CTNND2: variants seen among roughly 807,000 people sequenced by gnomAD.
The protein encoded by CTNND2 is catenin delta 2, also known as catenin delta-2.
CTNND2 carries 22 observed loss-of-function variants against 144.4 expected under a neutral mutation model. That is an observed-to-expected ratio of 0.15 (90% CI 0.11 to 0.22). CTNND2 has a LOEUF of 0.22. Among genes scored for constraint, CTNND2 ranks in the 10% least tolerant of loss-of-function variants. The probability of loss-of-function intolerance (pLI) is 1.00; values close to 1 mark genes in which losing one functional copy is unlikely to be tolerated. For synonymous variants in CTNND2, 751 were observed against 695.6 expected (o/e 1.08, Z -1.25); for missense variants, 1,353 against 1,618.8 (o/e 0.84, Z 2.82).
chr5:11,113,435 C>A (rs1486796387), intron 13 of CTNND2, among the ~76,000 whole-genome samples: 1 of 152,154 alleles, frequency 6.6e-6, no homozygotes, highest in Non-Finnish European at 1.5e-5. Context: ...TGCAGAATTA[C>A]ATGGCTGTGA....
intron 3 of CTNND2, among the ~76,000 whole-genome samples, chr5:11,497,928 C>A (rs954420435): frequency 3.3e-5 from 5 of 152,184 alleles, no homozygotes; most frequent in African/African-American, 1.2e-4. Flanking sequence ...TGACATGAGG[C>A]ATCAGATTTT....
At chr5:11,500,411 T>A (rs1381578053) in intron 3 of CTNND2, among the ~76,000 whole-genome samples, 1 of 152,158 alleles carries the variant, frequency 6.6e-6, no homozygotes, top group Non-Finnish European at 1.5e-5. Context: ...TTACAACCCA[T>A]CATAATATAA....
At chr5:11,128,730 A>ATGCC (rs1754941576) in intron 12 of CTNND2, among the ~76,000 whole-genome samples, 1 of 51,820 alleles carries the variant, frequency 1.9e-5, no homozygotes, top group African/African-American at 1.1e-4. Flanking sequence ...CCATATATAT[A>ATGCC]ATATATATAT....
At chr5:11,288,150 C>G (rs915233242) in intron 9 of CTNND2, among the ~76,000 whole-genome samples, 1 of 152,058 alleles carries the variant, frequency 6.6e-6, no homozygotes, top group African/African-American at 2.4e-5. Flanking sequence ...ATAAAACATG[C>G]CAATATTTTA....
chr5:11,344,391 CA>C (rs769278963), intron 9 of CTNND2, among the ~76,000 whole-genome samples: 19,242 of 106,658 alleles, frequency 0.18, 1,412 homozygotes, highest in African/African-American at 0.3. Context: ...GACTCCGTCT[CA>C]AAAAAAAAAA....
intron 1 of CTNND2, among the ~76,000 whole-genome samples, chr5:11,767,576 G>A (rs1181891851): frequency 6.6e-6 from 1 of 152,102 alleles, no homozygotes; most frequent in African/African-American, 2.4e-5. Context: ...TTTATCTTAG[G>A]GTCTTTTGGA....
intron 1 of CTNND2, among the ~76,000 whole-genome samples, chr5:11,813,004 A>G (rs1425327620): frequency 1.3e-5 from 2 of 152,100 alleles, no homozygotes; most frequent in African/African-American, 2.4e-5. Context: ...TACTCATATA[A>G]TCGGGTGTGT....
chr5:11,471,301 T>G (rs1335322676), intron 3 of CTNND2, among the ~76,000 whole-genome samples: 2 of 152,036 alleles, frequency 1.3e-5, no homozygotes, highest in African/African-American at 4.8e-5. Flanking sequence ...TTAATGCATT[T>G]TCTATCTTTT....
intron 9 of CTNND2, among the ~76,000 whole-genome samples, chr5:11,298,401 C>A (rs1378978273): frequency 1.3e-5 from 2 of 152,080 alleles, no homozygotes; most frequent in African/African-American, 2.4e-5. Context: ...GAACTCCTGG[C>A]CTCAAGTGAT....
At chr5:11,026,099 G>A (rs1192893121) in intron 16 of CTNND2, among the ~76,000 whole-genome samples, 3 of 152,142 alleles carry the variant, frequency 2.0e-5, no homozygotes, top group Non-Finnish European at 4.4e-5. Flanking sequence ...GAAAGAGGCT[G>A]GATCACCAGG....
chr5:11,613,155 A>C (rs1345690981), intron 2 of CTNND2, among the ~76,000 whole-genome samples: 1 of 152,188 alleles, frequency 6.6e-6, no homozygotes, highest in Non-Finnish European at 1.5e-5. Context: ...AAGACTTCTT[A>C]ATCAAAATCC....
In CTNND2 at chr5:11,566,860, G is replaced by A. The variant is rs956183978; in HGVS notation, c.175-1804C>T. Among the ~76,000 whole-genome samples the A allele has an allele frequency of 5.3e-5, 8 of 152,122 alleles. No individual in the cohort carries two copies. The East Asian group carries it at 5.8e-4, about 11-fold the overall frequency. ...CGTTTGCAAGCTTCCTTCCCAGCAC[G>A]CAGTCAGATTTTCCAAGACTCTTCA... On this transcript the variant is annotated intron_variant, in intron 2 of 21. Transcript: ENST00000304623.
chr5:11,866,074 G>A (rs536697839), intron 1 of CTNND2, among the ~76,000 whole-genome samples: 2 of 152,182 alleles, frequency 1.3e-5, no homozygotes, highest in African/African-American at 4.8e-5. Context: ...AGGCCAAAGT[G>A]GGAGGATCTC....
Position 10,973,166 on chromosome 5 carries a change from A to G in CTNND2, c.*287T>C. ...GAATGCCTCGTCTCTCCTCCCATCA[A>G]CCACGTTCAGTATAAAGCACTTCTC... On this transcript the variant is annotated 3_prime_UTR_variant, in exon 22 of 22. Coordinates refer to ENST00000304623, the MANE Select transcript of CTNND2 (RefSeq NM_001332.4). The surrounding 1 kb of genome is among the most constrained non-coding windows in gnomAD (Gnocchi z 5.6). The G allele has an allele frequency of 3.4e-6, 1 of 296,556 alleles. No homozygotes were observed. Among genetic ancestry groups the G allele is most frequent in the East Asian group, 6.0e-5 (1 of 16,644 alleles). The allele number at this position is 296,556 out of a possible 1,614,324, so 18.4% of individuals were successfully genotyped here.
chr5:11,063,175 AT>A (rs1747193829), intron 16 of CTNND2, among the ~76,000 whole-genome samples: 1 of 152,216 alleles, frequency 6.6e-6, no homozygotes. Context: ...TACCTTATAT[AT>A]ATGAGTAATG....
intron 3 of CTNND2, among the ~76,000 whole-genome samples, chr5:11,551,257 C>T (rs779897638): frequency 1.3e-5 from 2 of 152,040 alleles, no homozygotes; most frequent in African/African-American, 2.4e-5. Context: ...TGTCTTTTGA[C>T]TGTTCTTTCC....
intron 16 of CTNND2, among the ~76,000 whole-genome samples, chr5:11,071,465 C>T (rs891567853): frequency 3.9e-5 from 6 of 152,106 alleles, no homozygotes; most frequent in East Asian, 3.9e-4. Flanking sequence ...GTTTGAACCT[C>T]GGAGGCTGAG....
At chr5:10,994,726 G>A (rs2149504274) in intron 18 of CTNND2, among the ~76,000 whole-genome samples, 1 of 152,208 alleles carries the variant, frequency 6.6e-6, no homozygotes, top group African/African-American at 2.4e-5. Flanking sequence ...ATAGGCGTGA[G>A]CAGGGGGCCA....
chr5:11,883,105 G>A (rs1179063593), intron 1 of CTNND2, among the ~76,000 whole-genome samples: 3 of 151,998 alleles, frequency 2.0e-5, no homozygotes, highest in Non-Finnish European at 4.4e-5. Flanking sequence ...TTCTTTTTCT[G>A]ACTGCTCACT....
Sources: gnomAD v4.1 joint callset for allele counts (sites outside exome capture counted in the v4.1 genomes callset) on GRCh38, gnomAD v4.1.1 for gene constraint, Gnocchi (gnomAD v3.1) non-coding constraint, MANE v1.5 for transcripts, NCBI Gene and HGNC (gene_info 2026-07-23, HGNC 2026-07-21) for gene names.